Variants in GALNT1 observed in about 807,000 individuals in gnomAD.
GALNT1 encodes polypeptide N-acetylgalactosaminyltransferase 1.
Under a neutral mutation model 65.7 loss-of-function variants are expected in GALNT1, and 17 were observed. The observed-to-expected ratio is 0.26, with a 90% CI of 0.18 to 0.39. GALNT1 has a LOEUF of 0.39. Ranked by LOEUF, GALNT1 falls within the 10% of genes least tolerant of loss-of-function variation. GALNT1 has a pLI of 1.00. For synonymous variants in GALNT1, 210 were observed against 219.7 expected, an observed-to-expected ratio of 0.96 and a Z score of 0.39; for missense variants, 460 against 672.8, an observed-to-expected ratio of 0.68 and a Z score of 3.50.
chr18:35,648,803 A>G (rs572599862), intron 1 of GALNT1, among the ~76,000 whole-genome samples: 86 of 152,334 alleles, frequency 5.6e-4, no homozygotes, highest in African/African-American at 1.9e-3. Context: ...ATAAGTTTAT[A>G]CAGTGGACAC....
intron 4 of GALNT1, among the ~76,000 whole-genome samples, chr18:35,680,526 T>C (rs565732830): frequency 6.6e-6 from 1 of 152,354 alleles, no homozygotes; most frequent in East Asian, 1.9e-4. Flanking sequence ...TCTAGAATTA[T>C]ATAATGAATG....
intron 3 of GALNT1, among the ~76,000 whole-genome samples, chr18:35,665,561 TC>T (rs1411830098): frequency 6.6e-6 from 1 of 152,154 alleles, no homozygotes; most frequent in Non-Finnish European, 1.5e-5. Context: ...ATTGTGACTT[TC>T]AGAACACTGA....
chr18:35,619,301 C>G (rs2046822815), intron 1 of GALNT1, among the ~76,000 whole-genome samples: 1 of 152,132 alleles, frequency 6.6e-6, no homozygotes, highest in Non-Finnish European at 1.5e-5. Context: ...TTGAGCAAAT[C>G]TGAAAACTTT....
At chr18:35,610,857 G>C (rs540872875) in intron 1 of GALNT1, among the ~76,000 whole-genome samples, 5 of 152,224 alleles carry the variant, frequency 3.3e-5, no homozygotes, top group African/African-American at 4.8e-5. Context: ...TTAGTGTCTG[G>C]CTTCTCATAG....
intron 4 of GALNT1, among the ~76,000 whole-genome samples, chr18:35,679,464 G>A (rs2144586359): frequency 6.6e-6 from 1 of 152,258 alleles, no homozygotes; most frequent in Non-Finnish European, 1.5e-5. Flanking sequence ...CTCACCTATA[G>A]CAGTTCTCTC....
At chr18:35,651,438 A>G (rs909118201) in intron 1 of GALNT1, among the ~76,000 whole-genome samples, 12 of 152,364 alleles carry the variant, frequency 7.9e-5, no homozygotes, top group South Asian at 2.1e-4. Flanking sequence ...GAAAAATATT[A>G]TATCAAAAAT....
chr18:35,622,174 C>T (rs965538401), intron 1 of GALNT1, among the ~76,000 whole-genome samples: 2 of 151,950 alleles, frequency 1.3e-5, no homozygotes, highest in African/African-American at 4.8e-5. Context: ...TATAGAAATC[C>T]TTCCACACAT....
intron 3 of GALNT1, among the ~76,000 whole-genome samples, chr18:35,677,033 G>GC (rs1434179400): frequency 6.6e-6 from 1 of 152,188 alleles, no homozygotes; most frequent in Non-Finnish European, 1.5e-5. Context: ...CAGGGCATGG[G>GC]CTGTGGAGTC....
At chr18:35,641,171 A>T (rs2047156752) in intron 1 of GALNT1, among the ~76,000 whole-genome samples, 1 of 152,168 alleles carries the variant, frequency 6.6e-6, no homozygotes, top group Non-Finnish European at 1.5e-5. Context: ...AGGGCTTGGG[A>T]TGGTGGCTCA....
In GALNT1 at chr18:35,654,969, G is replaced by A. The variant is rs112902495; in HGVS notation, c.139+168G>A. Reference sequence around the variant, plus strand: ...AGTTCTCCAATGGGTTCATCCAGCAGTTAAAAGCATGAAAGTATCATATAT... The same window carrying A: ...AGTTCTCCAATGGGTTCATCCAGCAATTAAAAGCATGAAAGTATCATATAT... On this transcript the variant is annotated intron_variant, in intron 2 of 11. Transcript: ENST00000269195. 6.4e-3 allele frequency among the ~76,000 whole-genome samples: 971 copies of A among 152,244 alleles called. 19 individuals carry two copies. Among genetic ancestry groups the A allele is most frequent in the African/African-American group, 0.022 (921 of 41,544 alleles).
At chr18:35,636,792 T>G (rs996527413) in intron 1 of GALNT1, among the ~76,000 whole-genome samples, 42 of 146,460 alleles carry the variant, frequency 2.9e-4, no homozygotes, top group Admixed American at 2.0e-3. Flanking sequence ...TGTTTTTTTT[T>G]TTTTTTTTTT....
At chr18:35,588,296 C>T (rs2046400526) in intron 1 of GALNT1, among the ~76,000 whole-genome samples, 1 of 152,032 alleles carries the variant, frequency 6.6e-6, no homozygotes, top group South Asian at 2.1e-4. Flanking sequence ...AGGAGAAATC[C>T]ACTGTCATTC....
intron 1 of GALNT1, among the ~76,000 whole-genome samples, chr18:35,631,486 G>A (rs1351033229): frequency 5.3e-5 from 8 of 151,764 alleles, no homozygotes; most frequent in Non-Finnish European, 1.2e-4. Context: ...TGCAGAAAAG[G>A]CCTTCGACAA....
chr18:35,678,309 A>G (rs2047738861), intron 4 of GALNT1, among the ~76,000 whole-genome samples: 1 of 151,756 alleles, frequency 6.6e-6, no homozygotes, highest in African/African-American at 2.4e-5. Flanking sequence ...GGTGGGATGT[A>G]ATATGACTCT....
At chr18:35,608,887 G>A (rs1186976770) in intron 1 of GALNT1, among the ~76,000 whole-genome samples, 1 of 152,150 alleles carries the variant, frequency 6.6e-6, no homozygotes, top group Non-Finnish European at 1.5e-5. Context: ...CATCATAGGG[G>A]CACTGTAAGT....
At chr18:35,589,618 G>A (rs2046419938) in intron 1 of GALNT1, among the ~76,000 whole-genome samples, 2 of 152,146 alleles carry the variant, frequency 1.3e-5, no homozygotes, top group South Asian at 4.1e-4. Flanking sequence ...GTTCCTTGCA[G>A]CCTGAGGTCC....
chr18:35,595,110 A>G (rs995408327), intron 1 of GALNT1, among the ~76,000 whole-genome samples: 4 of 152,210 alleles, frequency 2.6e-5, no homozygotes, highest in African/African-American at 9.6e-5. Context: ...GATTCTGACA[A>G]ATACACAATT....
intron 1 of GALNT1, among the ~76,000 whole-genome samples, chr18:35,614,369 G>A (rs945652821): frequency 9.9e-5 from 15 of 151,956 alleles, no homozygotes; most frequent in Non-Finnish European, 8.8e-5. Flanking sequence ...AAAATATACA[G>A]AAAAAGAATT....
chr18:35,625,514 A>G (rs905200852), intron 1 of GALNT1, among the ~76,000 whole-genome samples: 5 of 152,252 alleles, frequency 3.3e-5, no homozygotes, highest in Non-Finnish European at 7.3e-5. Flanking sequence ...CAGTTACTTG[A>G]TTAACAGATG....
Sources: allele counts gnomAD v4.1 joint callset (sites outside exome capture counted in the v4.1 genomes callset), GRCh38; gene constraint gnomAD v4.1.1; transcripts MANE v1.5; gene names NCBI Gene and HGNC (gene_info 2026-07-23, HGNC 2026-07-21).